The following EDNRB variants were observed in gnomAD, a reference collection of about 807,000 sequenced individuals.
The protein encoded by EDNRB is Hirschsprung disease 2.
In EDNRB, 18 loss-of-function variants were observed where a neutral mutation model predicts 46.4. The observed-to-expected ratio is 0.39, with a 90% confidence interval of 0.27 to 0.57. EDNRB has a LOEUF of 0.57. Ranked by LOEUF, EDNRB falls within the 20% of genes least tolerant of loss-of-function variation. The probability of loss-of-function intolerance (pLI) is 0.61; values close to 1 mark genes in which losing one functional copy is unlikely to be tolerated. For missense variants in EDNRB, 434 were observed against 537.5 expected (o/e 0.81, Z 1.90); for synonymous variants, 213 against 204.9 (o/e 1.04, Z -0.34).
At chr13:77,968,846 G>A (rs1461849229) in intron 1 of EDNRB, among the ~76,000 whole-genome samples, 2 of 152,126 alleles carry the variant, frequency 1.3e-5, no homozygotes, top group Non-Finnish European at 2.9e-5. Context: ...TTAAAAATAA[G>A]TTAGGCCGTT....
chr13:77,902,783 C>A (rs576509309), intron 3 of EDNRB, among the ~76,000 whole-genome samples: 28 of 152,112 alleles, frequency 1.8e-4, no homozygotes, highest in African/African-American at 6.7e-4. Flanking sequence ...TTGTGAGACA[C>A]AACCTTCTAT....
intron 1 of EDNRB, among the ~76,000 whole-genome samples, chr13:77,925,785 C>T (rs999882000): frequency 6.6e-5 from 10 of 152,322 alleles, no homozygotes; most frequent in African/African-American, 2.2e-4. Context: ...GGGCCACCGT[C>T]CTCCAGACCC....
At chr13:77,937,631 TG>T (rs1334364412) in intron 1 of EDNRB, among the ~76,000 whole-genome samples, 3 of 152,020 alleles carry the variant, frequency 2.0e-5, no homozygotes, top group Non-Finnish European at 4.4e-5. Context: ...GTTGGGCAGG[TG>T]GGGGAAGAGC....
chr13:77,923,431 G>A (rs1880141351), upstream of EDNRB, among the ~76,000 whole-genome samples: 1 of 152,038 alleles, frequency 6.6e-6, no homozygotes, highest in Non-Finnish European at 1.5e-5. Flanking sequence ...GAAGGCAGTC[G>A]GACCTGTGCC....
intron 1 of EDNRB, among the ~76,000 whole-genome samples, chr13:77,934,356 C>G (rs1214144762): frequency 6.6e-6 from 1 of 152,102 alleles, no homozygotes; most frequent in Non-Finnish European, 1.5e-5. Flanking sequence ...TCTACTTTTC[C>G]TGAAGACTGA....
chr13:77,903,410 T>C, intron 2 of EDNRB, 50 bp from the exon 3 acceptor site: 1 of 1,611,586 alleles, frequency 6.2e-7, no homozygotes, highest in Non-Finnish European at 8.5e-7. Context: ...CTTAGTTTTA[T>C]TGAATTGCAC....
At chr13:77,932,055 A>G (rs1488559448) in intron 1 of EDNRB, among the ~76,000 whole-genome samples, 1 of 152,112 alleles carries the variant, frequency 6.6e-6, no homozygotes, top group Non-Finnish European at 1.5e-5. Context: ...TATTAAAAAA[A>G]AAAAAAAAGT....
intron 1 of EDNRB, among the ~76,000 whole-genome samples, chr13:77,935,263 G>A (rs567015244): frequency 6.6e-6 from 1 of 152,180 alleles, no homozygotes; most frequent in African/African-American, 2.4e-5. Flanking sequence ...GGATAAAAAG[G>A]CTACAGGGCG....
intron 1 of EDNRB, among the ~76,000 whole-genome samples, chr13:77,936,390 A>G (rs1382627177): frequency 6.6e-6 from 1 of 152,152 alleles, no homozygotes; most frequent in African/African-American, 2.4e-5. Flanking sequence ...GAGTTTTAAG[A>G]GGTTTAGAAG....
rs1235599209 is a variant in EDNRB at position 77,918,498 on chromosome 13, C to T, written c.76G>A (p.Gly26Arg). 1 of 1,574,350 alleles carries T rather than the reference C, an allele frequency of 6.4e-7. No individual in the cohort carries two copies. Among genetic ancestry groups the T allele is most frequent in the African/African-American group, 1.4e-5 (1 of 73,306 alleles). The part of the protein sequence containing the change: ...VLACGLSRIW[G>R]EERGFPPDRA... ...TCAGGCGGGAAGCCTCTCTCCTCTCCCCAGATCCGCGACAGGCCGCAGGCA... is the reference window on the plus strand; with the variant it reads ...TCAGGCGGGAAGCCTCTCTCCTCTCTCCAGATCCGCGACAGGCCGCAGGCA... Residue 26 changes from glycine to arginine, a missense_variant, in exon 1 of 7, where the codon GGA becomes AGA. Gly to Arg is a moderately radical substitution (Grantham distance 125). Coordinates refer to ENST00000646607, the MANE Select transcript of EDNRB (RefSeq NM_001122659.3). This position sits in a 1 kb window ranked among gnomAD's most constrained non-coding sequence, Gnocchi z 4.5.
intron 1 of EDNRB, among the ~76,000 whole-genome samples, chr13:77,940,897 T>C (rs1216069633): frequency 6.6e-6 from 1 of 152,138 alleles, no homozygotes; most frequent in African/African-American, 2.4e-5. Flanking sequence ...TGTGTGCGAG[T>C]TGAAAGGGAT....
At chr13:77,963,694 C>T (rs1022043274) in intron 1 of EDNRB, among the ~76,000 whole-genome samples, 34 of 152,306 alleles carry the variant, frequency 2.2e-4, no homozygotes, top group African/African-American at 7.7e-4. Flanking sequence ...CAATACCATT[C>T]AGGACGGAGG....
chr13:77,911,911 T>C lies in EDNRB; in HGVS notation c.483+6180A>G, dbSNP rs548808002. Among the ~76,000 whole-genome samples the C allele has an allele frequency of 2.0e-5, 3 of 152,258 alleles. No individual in the cohort carries two copies. In the South Asian group the frequency reaches 6.2e-4, roughly 32 times the overall value. On this transcript the variant is annotated intron_variant, in intron 1 of 6. Coordinates refer to ENST00000646607, the MANE Select transcript of EDNRB (RefSeq NM_001122659.3). ...AAGTCCTGAAAGAGAATGTTTCACA[T>C]CATAAATTACATCTTGAATCTTATT...
At chr13:77,936,617 G>A (rs972502505) in intron 1 of EDNRB, among the ~76,000 whole-genome samples, 1 of 152,220 alleles carries the variant, frequency 6.6e-6, no homozygotes, top group African/African-American at 2.4e-5. Context: ...ATCTGGGAAG[G>A]AGTCAGAGAG....
intron 1 of EDNRB, among the ~76,000 whole-genome samples, chr13:77,928,884 A>G (rs1880311260): frequency 6.6e-6 from 1 of 152,234 alleles, no homozygotes; most frequent in African/African-American, 2.4e-5. Context: ...AAAAATAACA[A>G]AAAACATCTT....
chr13:77,925,273 AT>A (rs749254662), intron 1 of EDNRB, among the ~76,000 whole-genome samples: 44 of 152,208 alleles, frequency 2.9e-4, no homozygotes, highest in Non-Finnish European at 5.7e-4. Context: ...CTGTTTGTAT[AT>A]GCCACATTTA....
At chr13:77,909,433 T>G (rs1260145204) in intron 1 of EDNRB, among the ~76,000 whole-genome samples, 1 of 151,842 alleles carries the variant, frequency 6.6e-6, no homozygotes, top group Admixed American at 6.6e-5. Context: ...ATCACATACT[T>G]GAGATAATAA....
chr13:77,936,219 G>A (rs915839684), intron 1 of EDNRB, among the ~76,000 whole-genome samples: 1 of 152,114 alleles, frequency 6.6e-6, no homozygotes, highest in African/African-American at 2.4e-5. Context: ...GCTTTGAACT[G>A]GGGGAAAAGG....
At chr13:77,959,740 G>A (rs1010051343) in intron 1 of EDNRB, among the ~76,000 whole-genome samples, 15 of 152,186 alleles carry the variant, frequency 9.9e-5, no homozygotes, top group African/African-American at 3.4e-4. Flanking sequence ...AAACTTCTCC[G>A]AGCTAAAGGA....
Sources: allele counts gnomAD v4.1 joint callset (sites outside exome capture counted in the v4.1 genomes callset), GRCh38; gene constraint gnomAD v4.1.1; non-coding constraint Gnocchi (gnomAD v3.1); transcripts MANE v1.5; gene names NCBI Gene and HGNC (gene_info 2026-07-23, HGNC 2026-07-21).